Variants in UCK2 observed in about 807,000 individuals in gnomAD.
UCK2 encodes uridine-cytidine kinase 2, also known as cytidine monophosphokinase 2.
A neutral mutation model predicts 30.8 loss-of-function variants in UCK2; 6 were observed. The ratio of observed to expected loss-of-function variants is 0.19; its 90% CI spans 0.11 to 0.38. The LOEUF (loss-of-function observed/expected upper bound fraction) is 0.38. Ranked by LOEUF, UCK2 falls within the 10% of genes least tolerant of loss-of-function variation. The pLI is 1.00. For synonymous variants in UCK2, 125 were observed against 133.6 expected (o/e 0.94, Z 0.45); for missense variants, 210 against 339.8 (o/e 0.62, Z 3.00).
intron 1 of UCK2, among the ~76,000 whole-genome samples, chr1:165,858,368 G>GGGTCTGTCACTA (rs1425881959): frequency 2.0e-5 from 3 of 152,128 alleles, no homozygotes; most frequent in Non-Finnish European, 4.4e-5. Flanking sequence ...GTGTGTAGGT[G>GGGTCTGTCACTA]GGTCTGTCAC....
Position 165,890,255 on chromosome 1 carries a change from T to A in UCK2, c.151T>A (p.Tyr51Asn). The A allele has an allele frequency of 6.2e-7, 1 of 1,614,184 alleles. No homozygotes were observed. The highest frequency in any genetic ancestry group is 1.1e-5 in the South Asian group (1 of 91,076). ...VQLLGQNEVD[Y>N]RQKQVVILSQ... Reference sequence around the variant, plus strand: ...GCTCCTGGGGCAGAATGAGGTGGACTATCGCCAGAAGCAGGTGGTCATCCT... The same window carrying A: ...GCTCCTGGGGCAGAATGAGGTGGACAATCGCCAGAAGCAGGTGGTCATCCT... The change falls in exon 2 of 7, where the codon TAT becomes AAT. Residue 51 changes from tyrosine (Y) to asparagine (N), a missense_variant. Tyr to Asn is a moderately radical substitution (Grantham distance 143). Around this residue, in one of 4 missense-constraint regions of UCK2, gnomAD observed 75 missense variants for 124.7 expected, o/e 0.60. Coordinates refer to ENST00000367879, the MANE Select transcript of UCK2 (RefSeq NM_012474.5).
At chr1:165,828,737 A>G (rs1653962980) in intron 1 of UCK2, among the ~76,000 whole-genome samples, 1 of 152,142 alleles carries the variant, frequency 6.6e-6, no homozygotes, top group Non-Finnish European at 1.5e-5. Flanking sequence ...TCCGCAAGGC[A>G]AGGAGAGACA....
chr1:165,833,317 A>G (rs1248224368), intron 1 of UCK2, among the ~76,000 whole-genome samples: 1 of 151,750 alleles, frequency 6.6e-6, no homozygotes, highest in Admixed American at 6.6e-5. Context: ...CCCTTACTCT[A>G]GCTAGTCCAG....
chr1:165,856,273 C>T (rs988888292), intron 1 of UCK2, among the ~76,000 whole-genome samples: 1 of 151,972 alleles, frequency 6.6e-6, no homozygotes, highest in Non-Finnish European at 1.5e-5. Context: ...ATTCTGATAT[C>T]TAGTAAGCTG....
chr1:165,884,416 A>G (rs1170532927), intron 1 of UCK2, among the ~76,000 whole-genome samples: 9 of 152,192 alleles, frequency 5.9e-5, no homozygotes, highest in East Asian at 1.9e-4. Context: ...GTTGGGCAGC[A>G]TGGTTATCTG....
intron 1 of UCK2, among the ~76,000 whole-genome samples, chr1:165,864,109 G>A (rs1432910967): frequency 1.3e-5 from 2 of 152,188 alleles, no homozygotes; most frequent in South Asian, 2.1e-4. Flanking sequence ...CACCATGCCT[G>A]GCTAATTTTT....
At chr1:165,887,018 C>T (rs1170201613) in intron 1 of UCK2, among the ~76,000 whole-genome samples, 1 of 152,210 alleles carries the variant, frequency 6.6e-6, no homozygotes, top group East Asian at 1.9e-4. Flanking sequence ...TAAAGGGCTT[C>T]TTCTGCCTTG....
At chr1:165,837,172 AC>A (rs2101849905) in intron 1 of UCK2, among the ~76,000 whole-genome samples, 1 of 152,340 alleles carries the variant, frequency 6.6e-6, no homozygotes, top group East Asian at 1.9e-4. Flanking sequence ...AGTTTTCAAC[AC>A]GTGAACTTTG....
intron 1 of UCK2, among the ~76,000 whole-genome samples, chr1:165,841,997 T>C: frequency 6.6e-6 from 1 of 152,202 alleles, no homozygotes; most frequent in East Asian, 1.9e-4. Flanking sequence ...CAGAAAGTGT[T>C]AATGACTATG....
intron 1 of UCK2, among the ~76,000 whole-genome samples, chr1:165,848,129 G>A (rs555445631): frequency 4.6e-5 from 7 of 152,350 alleles, no homozygotes; most frequent in East Asian, 1.9e-4. Flanking sequence ...CATTTTAACT[G>A]CTAACCTGAG....
intron 1 of UCK2, among the ~76,000 whole-genome samples, chr1:165,850,927 ATTTTTTTTTT>A (rs61491030): frequency 1.2e-4 from 13 of 109,926 alleles, no homozygotes; most frequent in East Asian, 2.8e-4. Context: ...TGGCCTTTAA[ATTTTTTTTTT>A]TTTTTTTTTT....
At chr1:165,846,311 A>C (rs747869542) in intron 1 of UCK2, among the ~76,000 whole-genome samples, 38 of 152,154 alleles carry the variant, frequency 2.5e-4, no homozygotes, top group Non-Finnish European at 5.1e-4. Context: ...CTAAAAAACC[A>C]CAACATTTTA....
chr1:165,877,262 C>CT (rs1553199217), intron 1 of UCK2, among the ~76,000 whole-genome samples: 3 of 139,372 alleles, frequency 2.2e-5, no homozygotes, highest in South Asian at 2.3e-4. Context: ...AGTCGCTAAT[C>CT]TTTTTTTTAG....
At chr1:165,903,363 C>A in intron 5 of UCK2, 84 bp downstream of exon 5, 1 of 1,170,240 alleles carries the variant, frequency 8.5e-7, no homozygotes, top group Non-Finnish European at 1.2e-6. Context: ...GTTTGTGGAG[C>A]TCCCCTGCCT....
intron 1 of UCK2, among the ~76,000 whole-genome samples, chr1:165,881,124 G>T (rs574688759): frequency 1.2e-4 from 17 of 139,582 alleles, no homozygotes; most frequent in Non-Finnish European, 2.1e-4. Flanking sequence ...AGTGAGCTGA[G>T]ATCACGCCAC....
intron 1 of UCK2, among the ~76,000 whole-genome samples, chr1:165,851,457 T>C (rs889384630): frequency 6.6e-6 from 1 of 152,162 alleles, no homozygotes; most frequent in Non-Finnish European, 1.5e-5. Flanking sequence ...ATAGTCTGGC[T>C]AATTTAACAT....
chr1:165,884,490 C>T (rs946923387), intron 1 of UCK2, among the ~76,000 whole-genome samples: 3 of 152,178 alleles, frequency 2.0e-5, no homozygotes, highest in Non-Finnish European at 4.4e-5. Flanking sequence ...ACACCTAACC[C>T]GACGCCCTCC....
At chr1:165,878,785 C>T (rs988701426) in intron 1 of UCK2, among the ~76,000 whole-genome samples, 20 of 152,310 alleles carry the variant, frequency 1.3e-4, no homozygotes, top group Admixed American at 5.9e-4. Context: ...AAATACCATG[C>T]GCAAGTTTTT....
At chr1:165,839,769 G>A (rs1654279596) in intron 1 of UCK2, among the ~76,000 whole-genome samples, 1 of 152,194 alleles carries the variant, frequency 6.6e-6, no homozygotes, top group Non-Finnish European at 1.5e-5. Context: ...AAAAGGAGAT[G>A]ATGTCTGGTT....
Sources: gnomAD v4.1 joint callset for allele counts (sites outside exome capture counted in the v4.1 genomes callset) on GRCh38, gnomAD v4.1.1 for gene constraint, gnomAD v4.1.1 regional missense constraint, MANE v1.5 for transcripts, NCBI Gene and HGNC (gene_info 2026-07-23, HGNC 2026-07-21) for gene names.